The following AHNAK2 variants were observed in gnomAD, a reference collection of about 807,000 sequenced individuals.
The protein encoded by AHNAK2 is protein AHNAK2.
In AHNAK2, 18 loss-of-function variants were observed where a neutral mutation model predicts 30.7. That is an observed-to-expected ratio of 0.59 (90% CI 0.41 to 0.87). The LOEUF (loss-of-function observed/expected upper bound fraction) is 0.87. Ranked by LOEUF, AHNAK2 falls within the 40% of genes least tolerant of loss-of-function variation. The probability of loss-of-function intolerance (pLI) is 0.00; values close to 1 mark genes in which losing one functional copy is unlikely to be tolerated. For synonymous variants in AHNAK2, 3,590 were observed against 3,073.8 expected, an observed-to-expected ratio of 1.17 and a Z score of -5.56; for missense variants, 8,604 against 7,373.0, an observed-to-expected ratio of 1.17 and a Z score of -6.11.
rs1899307385 is a variant in AHNAK2, at chr14:104,966,549, C to T, written c.56-8877G>A. 6.6e-6 allele frequency among the ~76,000 whole-genome samples: 1 copy of T among 152,158 alleles called. No individual in the cohort carries two copies. The highest frequency in any genetic ancestry group is 2.4e-5 in the African/African-American group (1 of 41,418). On this transcript the variant is annotated intron_variant, in intron 1 of 6. Coordinates refer to ENST00000333244, the MANE Select transcript of AHNAK2 (RefSeq NM_138420.4). This position sits in a 1 kb window ranked among gnomAD's most constrained non-coding sequence, Gnocchi z 4.3. ...TGCTGCTCCCACCTGGACGCACCCC[C>T]AACCTGCACAGACAGAACTTGGCCA...
At position 104,952,731 on chromosome 14, in the gene AHNAK2, G is replaced by A; in HGVS notation, c.2720C>T (p.Pro907Leu). The change falls in exon 7 of 7, where the codon CCC (proline) becomes CTC (leucine). Residue 907 changes from proline to leucine, a missense_variant. Coordinates refer to ENST00000333244, the MANE Select transcript of AHNAK2 (RefSeq NM_138420.4). ...VDVKLPEGPV[P>L]EGAGPKVHLP... ...GTGCACTTTGGGGCCGGCTCCCTCGGGCACAGGGCCCTCCGGAAGTTTCAC... is the reference window on the plus strand; with the variant it reads ...GTGCACTTTGGGGCCGGCTCCCTCGAGCACAGGGCCCTCCGGAAGTTTCAC... The A allele has an allele frequency of 6.2e-7, 1 of 1,612,880 alleles. No homozygotes were observed. The highest frequency in any genetic ancestry group is 8.5e-7 in the Non-Finnish European group (1 of 1,179,632).
Position 104,949,608 on chromosome 14 carries a change from T to C in AHNAK2, c.5843A>G (p.Glu1948Gly). The C allele has an allele frequency of 1.9e-6, 3 of 1,589,298 alleles. No individual in the cohort carries two copies. Among genetic ancestry groups the C allele is most frequent in the African/African-American group, 2.7e-5 (2 of 73,530 alleles). Residue 1948 changes from glutamate to glycine, a missense_variant, in exon 7 of 7, where the codon GAG becomes GGG. Glu to Gly is a moderately conservative substitution (Grantham distance 98). Transcript: ENST00000333244. ...CACCTCCATGCTGGGCAGAGACACC[T>C]CGACATCGGGGGCTGTCACTTCCGC... ...PKAEVTAPDV[E>G]VSLPSMEVDV... is the part of the protein sequence containing the mutation.
In AHNAK2 at chr14:104,940,362, T is replaced by C. The variant is rs565209712; in HGVS notation, c.15089A>G (p.Lys5030Arg). 1.1e-5 allele frequency: 18 copies of C among 1,613,860 alleles called. No individual in the cohort carries two copies. In the African/African-American group the frequency reaches 1.2e-4, roughly 11 times the overall value. ...GACCCCACTCTTAGAAGCCTTCATT[T>C]TGGGAAGTGCAAGTTTTGGCATGGC... ...GFAMPKLALP[K>R]MKASKSGVSL... The change falls in exon 7 of 7, where the codon AAA becomes AGA. Residue 5030 changes from lysine (K) to arginine (R), a missense_variant. Transcript: ENST00000333244. The surrounding 1 kb of genome is among the most constrained non-coding windows in gnomAD (Gnocchi z 4.4).
Position 104,966,472 on chromosome 14 carries a change from C to T in AHNAK2, c.56-8800G>A, listed in dbSNP as rs1290494739. Among the ~76,000 whole-genome samples, 1 of 152,142 alleles carries T rather than the reference C, an allele frequency of 6.6e-6. No homozygotes were observed. Among genetic ancestry groups the T allele is most frequent in the Non-Finnish European group, 1.5e-5 (1 of 68,020 alleles). Reference sequence around the variant, plus strand: ...CAGCTCTGTCCTGGCCACCTGGGCCCATCTCACTCACCTTTGCATTCAGAC... The same window carrying T: ...CAGCTCTGTCCTGGCCACCTGGGCCTATCTCACTCACCTTTGCATTCAGAC... On this transcript the variant is annotated intron_variant, in intron 1 of 6. Transcript: ENST00000333244. This position sits in a 1 kb window ranked among gnomAD's most constrained non-coding sequence, Gnocchi z 4.3.
At chr14:104,974,414 C>G (rs1254941173) in intron 1 of AHNAK2, among the ~76,000 whole-genome samples, 1 of 152,276 alleles carries the variant, frequency 6.6e-6, no homozygotes, top group African/African-American at 2.4e-5. Context: ...TCCATCCTCA[C>G]CCCACCCCGT....
chr14:104,939,704 C>G lies in AHNAK2; in HGVS notation c.15747G>C (p.Gln5249His). 1 of 1,613,912 alleles carries G rather than the reference C, an allele frequency of 6.2e-7. No homozygotes were observed. Among genetic ancestry groups the G allele is most frequent in the Non-Finnish European group, 8.5e-7 (1 of 1,179,898 alleles). Residue 5249 changes from glutamine (Q) to histidine (H), a missense_variant, in exon 7 of 7, where the codon CAG becomes CAC. Transcript: ENST00000333244. The part of the protein sequence containing the change: ...GSNVEAAMSL[Q>H]LPEADAEVTA... ...TCACTTCTGCATCTGCCTCTGGGAG[C>G]TGTAGGGACATAGCTGCCTCCACGT... is the stretch of plus-strand genomic sequence containing the variant.
chr14:104,962,321 C>T (rs1242813647), intron 1 of AHNAK2, among the ~76,000 whole-genome samples: 1 of 152,190 alleles, frequency 6.6e-6, no homozygotes, highest in African/African-American at 2.4e-5. Flanking sequence ...TCTTCTCTGA[C>T]CCCCAGTGGA....
chr14:104,956,822 GAGGCAGCCGAGTTCCTCC>G, intron 3 of AHNAK2, 133 bp from the exon 4 acceptor site: 1 of 774,898 alleles, frequency 1.3e-6, no homozygotes, highest in South Asian at 1.6e-5. Flanking sequence ...GCTGTGTGCA[GAGGCAGCCGAGTTCCTCC>G]AGGCACATCC....
Position 104,946,866 on chromosome 14 carries a change from C to A in AHNAK2, c.8585G>T (p.Arg2862Leu). ...CAGTTGGGCGGAGGGGGGCTGAATGCGGATGTCAGTGGTCTTAAGATCCCC... is the reference window on the plus strand; with the variant it reads ...CAGTTGGGCGGAGGGGGGCTGAATGAGGATGTCAGTGGTCTTAAGATCCCC... The part of the protein sequence containing the change: ...MQGDLKTTDI[R>L]IQPPSAQLEV... Residue 2862 changes from arginine to leucine, a missense_variant, in exon 7 of 7, where the codon CGC becomes CTC. Arg to Leu is a moderately radical substitution (Grantham distance 102). Transcript: ENST00000333244. 1 of 1,612,588 alleles carries A rather than the reference C, an allele frequency of 6.2e-7. No individual in the cohort carries two copies. The highest frequency in any genetic ancestry group is 8.5e-7 in the Non-Finnish European group (1 of 1,179,720).
Position 104,942,475 on chromosome 14 carries a change from G to C in AHNAK2, c.12976C>G (p.Leu4326Val), listed in dbSNP as rs773208955. The C allele has an allele frequency of 3.1e-6, 5 of 1,612,788 alleles. No homozygotes were observed. ...SIEASLDVSALKVEADVSLPS... is the reference protein window; with the variant it reads ...SIEASLDVSAVKVEADVSLPS... ...AGGCTCACGTCAGCCTCCACCTTCAGCGCAGACACATCCAACGAGGCCTCG... is the reference window on the plus strand; with the variant it reads ...AGGCTCACGTCAGCCTCCACCTTCACCGCAGACACATCCAACGAGGCCTCG... Residue 4326 changes from leucine (L) to valine (V), a missense_variant, in exon 7 of 7, where the codon CTG becomes GTG. Coordinates refer to ENST00000333244, the MANE Select transcript of AHNAK2 (RefSeq NM_138420.4).
In AHNAK2 at chr14:104,951,050, T is replaced by C. The variant is rs1898673091; in HGVS notation, c.4401A>G (p.Gly1467=). 3 of 1,063,118 alleles carry C rather than the reference T, an allele frequency of 2.8e-6. No homozygotes were observed. The East Asian group carries it at 6.9e-5, about 24-fold the overall frequency. The allele number at this position is 1,063,118 out of a possible 1,614,324, so 65.9% of individuals were successfully genotyped here. A position where few individuals can be genotyped will look rare whatever the true frequency, so the allele number is the denominator to read the frequency against. Reference sequence around the variant, plus strand: ...CCAGCCGTCCACCATCCAGCTTGGCTCCTGGGGCCTCGACATCCACCTCCA... The same window carrying C: ...CCAGCCGTCCACCATCCAGCTTGGCCCCTGGGGCCTCGACATCCACCTCCA... ...PSVEVDVEAP[G]AKLDGGRLEE... The change falls in exon 7 of 7, where the codon GGA becomes GGG. Residue 1467 remains glycine (G), a synonymous_variant. Coordinates refer to ENST00000333244, the MANE Select transcript of AHNAK2 (RefSeq NM_138420.4).
rs1394742862 is a variant in AHNAK2, at chr14:104,940,747, C to G, written c.14704G>C (p.Val4902Leu). The G allele has an allele frequency of 6.2e-7, 1 of 1,612,954 alleles. No homozygotes were observed. The highest frequency in any genetic ancestry group is 1.1e-5 in the South Asian group (1 of 91,074). Reference sequence around the variant, plus strand: ...TGGGTGCTTGGCAAGGGGCACTGCACTCTTTCTCCAGGGCTAAGAGGAGAC... The same window carrying G: ...TGGGTGCTTGGCAAGGGGCACTGCAGTCTTTCTCCAGGGCTAAGAGGAGAC... ...VMSPLSPGERVQCPLPSTQLP... is the reference protein window; with the variant it reads ...VMSPLSPGERLQCPLPSTQLP... Residue 4902 changes from valine (V) to leucine (L), a missense_variant, in exon 7 of 7, where the codon GTG (valine) becomes CTG (leucine). Transcript: ENST00000333244. The surrounding 1 kb of genome is among the most constrained non-coding windows in gnomAD (Gnocchi z 4.4).
chr14:104,955,581 G>C lies in AHNAK2; in HGVS notation c.368C>G (p.Ala123Gly), dbSNP rs1187337224. 6.2e-7 allele frequency: 1 copy of C among 1,613,530 alleles called. No individual in the cohort carries two copies. Among genetic ancestry groups the C allele is most frequent in the Admixed American group, 1.7e-5 (1 of 59,988 alleles). Residue 123 changes from alanine to glycine, a missense_variant, in exon 5 of 7, where the codon GCC (alanine) becomes GGC (glycine). Coordinates refer to ENST00000333244, the MANE Select transcript of AHNAK2 (RefSeq NM_138420.4). ...VTLKTEVEAG[A>G]SGYSVTGGGD... ...ACCACCTGTGACACTGTAGCCACTG[G>C]CTCCTGCCTCCACCTCTGTCTTCAG...
At chr14:104,970,954 C>A (rs532049362) in intron 1 of AHNAK2, among the ~76,000 whole-genome samples, 1 of 152,258 alleles carries the variant, frequency 6.6e-6, no homozygotes, top group East Asian at 1.9e-4. Flanking sequence ...GGCCTGCCCC[C>A]ATGGTCACTG....
Position 104,938,495 on chromosome 14 carries a change from A to T in AHNAK2, c.16956T>A (p.Ile5652=). 6.2e-7 allele frequency: 1 copy of T among 1,613,798 alleles called. No homozygotes were observed. ...SGLLWFWLPN[I]GFSSSVDETG... is the part of the protein sequence containing the mutation. ...TCTCATCAACAGAAGAGGAAAACCCAATGTTTGGAAGCCAAAACCAGAGCA... is the reference window on the plus strand; with the variant it reads ...TCTCATCAACAGAAGAGGAAAACCCTATGTTTGGAAGCCAAAACCAGAGCA... The change falls in exon 7 of 7, where the codon ATT becomes ATA. Residue 5652 remains isoleucine, a synonymous_variant. Coordinates refer to ENST00000333244, the MANE Select transcript of AHNAK2 (RefSeq NM_138420.4).
At chr14:104,965,963 A>G (rs1899291256) in intron 1 of AHNAK2, among the ~76,000 whole-genome samples, 1 of 152,138 alleles carries the variant, frequency 6.6e-6, no homozygotes. Context: ...CCCCAGGGCC[A>G]TGCCTGCTCA....
chr14:104,939,560 G>C lies in AHNAK2; in HGVS notation c.15891C>G (p.Val5297=). The C allele has an allele frequency of 6.2e-7, 1 of 1,613,860 alleles. No homozygotes were observed. Among genetic ancestry groups the C allele is most frequent in the Non-Finnish European group, 8.5e-7 (1 of 1,179,896 alleles). Residue 5297 remains valine, a synonymous_variant, in exon 7 of 7, where the codon GTC becomes GTG. Transcript: ENST00000333244. The part of the protein sequence containing the change: ...MTGDELSTSE[V]RIHPSKGPLP... ...GAGGTCCTTTGGATGGATGGATCCT[G>C]ACCTCAGAAGTGGAAAGCTCATCCC... is the stretch of plus-strand genomic sequence containing the variant.
In AHNAK2 at chr14:104,946,439, A is replaced by C. The variant is rs1898273290; in HGVS notation, c.9012T>G (p.Ser3004=). Reference sequence around the variant, plus strand: ...TCACTTCGGCCTCCACCTTCGGCGCAGACACATCCACCGAGACCTCAATGG... The same window carrying C: ...TCACTTCGGCCTCCACCTTCGGCGCCGACACATCCACCGAGACCTCAATGG... ...GKSIEVSVDV[S]APKVEAEVSL... is the part of the protein sequence containing the mutation. The change falls in exon 7 of 7, where the codon TCT becomes TCG. Residue 3004 remains serine (S), a synonymous_variant. Coordinates refer to ENST00000333244, the MANE Select transcript of AHNAK2 (RefSeq NM_138420.4). 2 of 1,611,350 alleles carry C rather than the reference A, an allele frequency of 1.2e-6. No homozygotes were observed. Among genetic ancestry groups the C allele is most frequent in the African/African-American group, 1.3e-5 (1 of 74,100 alleles).
In AHNAK2 at chr14:104,953,137, C is replaced by A; in HGVS notation, c.2314G>T (p.Asp772Tyr). ...AGGTCCAGCTTGGGGCCCTTGAGGT[C>A]CACTTTGGGCATCTTCAAACTGGGC... ...QRPSLKMPKV[D>Y]LKGPKLDLKG... Residue 772 changes from aspartate (D) to tyrosine (Y), a missense_variant, in exon 7 of 7, where the codon GAC (aspartate) becomes TAC (tyrosine). Physicochemically the swap from Asp to Tyr is radical, Grantham distance 160. Transcript: ENST00000333244. 6.2e-7 allele frequency: 1 copy of A among 1,613,252 alleles called. No individual in the cohort carries two copies. Among genetic ancestry groups the A allele is most frequent in the Non-Finnish European group, 8.5e-7 (1 of 1,179,656 alleles).
Sources: gnomAD v4.1 joint callset for allele counts (sites outside exome capture counted in the v4.1 genomes callset) on GRCh38, gnomAD v4.1.1 for gene constraint, Gnocchi (gnomAD v3.1) non-coding constraint, MANE v1.5 for transcripts, NCBI Gene and HGNC (gene_info 2026-07-23, HGNC 2026-07-21) for gene names.